Variants in PDE4D observed in about 807,000 individuals in gnomAD.
PDE4D encodes phosphodiesterase 4D.
In PDE4D, 24 loss-of-function variants were observed where a neutral mutation model predicts 87.4. The ratio of observed to expected loss-of-function variants is 0.27; its 90% CI spans 0.20 to 0.39. The LOEUF is 0.39. Ranked by LOEUF, PDE4D falls within the 10% of genes least tolerant of loss-of-function variation. PDE4D has a pLI of 1.00. For synonymous variants in PDE4D, 384 were observed against 383.2 expected, an observed-to-expected ratio of 1.00 and a Z score of -0.02; for missense variants, 714 against 1,041.0, an observed-to-expected ratio of 0.69 and a Z score of 4.32.
chr5:59,413,713 A>G (rs1213411594), intron 1 of PDE4D, among the ~76,000 whole-genome samples: 1 of 152,170 alleles, frequency 6.6e-6, no homozygotes, highest in Non-Finnish European at 1.5e-5. Flanking sequence ...AAAGATGTGT[A>G]AACACTGTGA....
intron 1 of PDE4D, among the ~76,000 whole-genome samples, chr5:59,318,698 G>T (rs1774174220): frequency 1.3e-5 from 2 of 152,110 alleles, no homozygotes; most frequent in South Asian, 4.1e-4. Flanking sequence ...ACATAATTGT[G>T]TTACGGTGGT....
intron 1 of PDE4D, among the ~76,000 whole-genome samples, chr5:60,501,136 A>G: frequency 6.6e-6 from 1 of 151,980 alleles, no homozygotes; most frequent in Non-Finnish European, 1.5e-5. Flanking sequence ...ATCTCCTAAT[A>G]CTATCCCTCC....
intron 1 of PDE4D, among the ~76,000 whole-genome samples, chr5:60,239,669 T>C (rs1746853610): frequency 6.6e-6 from 1 of 152,122 alleles, no homozygotes; most frequent in South Asian, 2.1e-4. Context: ...GATTTATTAC[T>C]ACATGTTTCT....
At chr5:59,990,756 A>G (rs139181150) in intron 2 of PDE4D, among the ~76,000 whole-genome samples, 2,306 of 152,150 alleles carry the variant, frequency 0.015, 19 homozygotes, top group South Asian at 0.024. Flanking sequence ...TGCTTTTCCA[A>G]TTTTACCCAT....
intron 1 of PDE4D, among the ~76,000 whole-genome samples, chr5:59,706,276 T>C (rs1753394139): frequency 6.6e-6 from 1 of 152,062 alleles, no homozygotes; most frequent in Non-Finnish European, 1.5e-5. Context: ...GAAGAAGCTG[T>C]GGCCAGTGAG....
At chr5:59,867,655 G>A (rs1747240776) in intron 1 of PDE4D, among the ~76,000 whole-genome samples, 1 of 152,046 alleles carries the variant, frequency 6.6e-6, no homozygotes, top group South Asian at 2.1e-4. Context: ...TACACTGTAG[G>A]TAGTGACAAA....
In PDE4D at chr5:59,806,994, G is replaced by A. The variant is rs542308358; in HGVS notation, c.455+86174C>T. ...TATGGAGAAAGTTATGGAAGTGGAA[G>A]GGACATCATAAAGGCAGGACTTTTC... On this transcript the variant is annotated intron_variant, in intron 1 of 14. Coordinates refer to ENST00000340635, the MANE Select transcript of PDE4D (RefSeq NM_001104631.2). Among the ~76,000 whole-genome samples, 19 of 152,270 alleles carry A rather than the reference G, an allele frequency of 1.2e-4. 1 individual carries two copies. The East Asian group carries it at 2.3e-3, about 19-fold the overall frequency.
chr5:60,074,965 C>T (rs1219751927), intron 2 of PDE4D, among the ~76,000 whole-genome samples: 1 of 152,136 alleles, frequency 6.6e-6, no homozygotes, highest in East Asian at 1.9e-4. Flanking sequence ...TAGCTTGCCA[C>T]TCTGTGCCTT....
chr5:59,501,526 T>C (rs1180977187), intron 1 of PDE4D, among the ~76,000 whole-genome samples: 1 of 152,146 alleles, frequency 6.6e-6, no homozygotes, highest in African/African-American at 2.4e-5. Context: ...AAATACATCT[T>C]GGAAGGCAGG....
chr5:60,187,198 T>G (rs1404954004), intron 1 of PDE4D, among the ~76,000 whole-genome samples: 1 of 152,178 alleles, frequency 6.6e-6, no homozygotes, highest in Non-Finnish European at 1.5e-5. Flanking sequence ...TGAGTGTGTA[T>G]GGATTTTTTC....
At chr5:59,609,954 G>C (rs191218301) in intron 1 of PDE4D, among the ~76,000 whole-genome samples, 16 of 152,294 alleles carry the variant, frequency 1.1e-4, no homozygotes, top group Non-Finnish European at 1.5e-5. Context: ...GAGAGCTCCA[G>C]AAGCAGCACA....
chr5:59,625,896 C>T (rs572824777), intron 1 of PDE4D, among the ~76,000 whole-genome samples: 62 of 152,178 alleles, frequency 4.1e-4, no homozygotes, highest in African/African-American at 1.3e-3. Context: ...CTAGCTAACA[C>T]GGTGAAACCC....
At chr5:59,108,310 C>T (rs2153436984) in intron 5 of PDE4D, among the ~76,000 whole-genome samples, 1 of 152,152 alleles carries the variant, frequency 6.6e-6, no homozygotes, top group East Asian at 1.9e-4. Flanking sequence ...GTTTAGGATA[C>T]AAAACTCTAG....
chr5:59,768,162 C>T (rs1195289918), intron 1 of PDE4D: 3 of 1,508,880 alleles, frequency 2.0e-6, no homozygotes, highest in Non-Finnish European at 2.7e-6. Context: ...GGTCCTCCCT[C>T]CCTACCCCCA....
intron 1 of PDE4D, among the ~76,000 whole-genome samples, chr5:59,502,475 T>C (rs1011755718): frequency 6.6e-6 from 1 of 152,136 alleles, no homozygotes; most frequent in Non-Finnish European, 1.5e-5. Flanking sequence ...CATATTCTTC[T>C]ACCCAATTAA....
At chr5:60,331,700 A>AGG (rs1757320016) in intron 1 of PDE4D, among the ~76,000 whole-genome samples, 1 of 152,158 alleles carries the variant, frequency 6.6e-6, no homozygotes, top group Admixed American at 6.5e-5. Context: ...AGGCAAGAGG[A>AGG]GGGTTTAATT....
At position 59,014,936 on chromosome 5, in the gene PDE4D, T is replaced by C. The variant is rs565959393; in HGVS notation, c.922-21471A>G. Among the ~76,000 whole-genome samples, 12 of 152,168 alleles carry C rather than the reference T, an allele frequency of 7.9e-5. 1 individual carries two copies. In the East Asian group the frequency reaches 2.1e-3, roughly 27 times the overall value. On this transcript the variant is annotated intron_variant, in intron 6 of 14. Coordinates refer to ENST00000340635, the MANE Select transcript of PDE4D (RefSeq NM_001104631.2). ...GTACAAGAACAGAGATATAGGCCAA[T>C]GGAACAGAATAGAGCCCTCAGAAAT... is the stretch of plus-strand genomic sequence containing the variant.
chr5:59,946,830 C>T (rs1757771543), intron 3 of PDE4D, among the ~76,000 whole-genome samples: 1 of 152,126 alleles, frequency 6.6e-6, no homozygotes, highest in South Asian at 2.1e-4. Context: ...CCTGAAGGGC[C>T]AGTAACTCAT....
rs111592228 is a variant in PDE4D at position 60,369,101 on chromosome 5, CCTGT to C, written c.-90+118837_-90+118840del. On this transcript the variant is annotated intron_variant, in intron 1 of 16. Transcript: ENST00000502484. The stretch of plus-strand genomic sequence containing the variant: ...TTGTTTGAACCCCACTCTCCCTCAC[CCTGT>C]CTGTCTTCCTCTCTCCTCTCCTGCT... 3.3e-5 allele frequency among the ~76,000 whole-genome samples: 5 copies of C among 151,930 alleles called. 1 individual carries two copies. The highest frequency in any genetic ancestry group is 1.2e-4 in the African/African-American group (5 of 41,422).
Sources: gnomAD v4.1 joint callset for allele counts (sites outside exome capture counted in the v4.1 genomes callset) on GRCh38, gnomAD v4.1.1 for gene constraint, MANE v1.5 for transcripts, NCBI Gene and HGNC (gene_info 2026-07-23, HGNC 2026-07-21) for gene names.